Variants in XIRP2 observed in about 807,000 individuals in gnomAD.
XIRP2 encodes xin actin binding repeat containing 2, also known as xin actin-binding repeat-containing protein 2.
XIRP2 carries 236 observed loss-of-function variants against 277.0 expected under a neutral mutation model. That is an observed-to-expected ratio of 0.85 (90% CI 0.77 to 0.95). XIRP2 has a LOEUF of 0.95. Ranked by LOEUF, XIRP2 falls within the 40% of genes least tolerant of loss-of-function variation. The pLI is 0.00. For missense variants in XIRP2, 4,640 were observed against 4,157.5 expected (o/e 1.12, Z -3.19); for synonymous variants, 1,490 against 1,416.5 (o/e 1.05, Z -1.17).
chr2:166,985,020 T>C (rs534175389), intron 2 of XIRP2, among the ~76,000 whole-genome samples: 1 of 152,378 alleles, frequency 6.6e-6, no homozygotes, highest in Non-Finnish European at 1.5e-5. Context: ...AGTATAGCTA[T>C]TTGCTTATGT....
chr2:167,101,266 A>G (rs1305202877), intron 2 of XIRP2, among the ~76,000 whole-genome samples: 1 of 152,230 alleles, frequency 6.6e-6, no homozygotes, highest in African/African-American at 2.4e-5. Context: ...AAAACTATGT[A>G]TAGAATATAA....
rs933031170 is a variant in XIRP2 at position 167,052,918 on chromosome 2, T to A, written c.409-82991T>A. Among the ~76,000 whole-genome samples, 12 of 152,340 alleles carry A rather than the reference T, an allele frequency of 7.9e-5. No individual in the cohort carries two copies. The South Asian group carries it at 2.5e-3, about 32-fold the overall frequency. Reference sequence around the variant, plus strand: ...TTAAATTCAAGCTTATTGAGTTATATGTAGTTGTAGACATCCAAAAATAAA... The same window carrying A: ...TTAAATTCAAGCTTATTGAGTTATAAGTAGTTGTAGACATCCAAAAATAAA... On this transcript the variant is annotated intron_variant, in intron 2 of 10. Transcript: ENST00000409195.
chr2:166,951,243 T>C (rs1306953720), intron 2 of XIRP2, among the ~76,000 whole-genome samples: 1 of 151,920 alleles, frequency 6.6e-6, no homozygotes, highest in Non-Finnish European at 1.5e-5. Context: ...CTTGACTGGG[T>C]AGTTTATAAG....
At chr2:166,890,073 G>A in intron 1 of XIRP2, among the ~76,000 whole-genome samples, 1 of 151,042 alleles carries the variant, frequency 6.6e-6, no homozygotes, top group East Asian at 2.0e-4. Flanking sequence ...TCGGCTCACT[G>A]CAACGTCCAC....
chr2:167,053,709 C>G (rs573455365), intron 2 of XIRP2, among the ~76,000 whole-genome samples: 1 of 152,228 alleles, frequency 6.6e-6, no homozygotes, highest in South Asian at 2.1e-4. Context: ...ATGTTTTAGT[C>G]AAAGTAATTC....
At chr2:167,129,495 T>C (rs1356840958) in intron 2 of XIRP2, among the ~76,000 whole-genome samples, 1 of 152,144 alleles carries the variant, frequency 6.6e-6, no homozygotes, top group Non-Finnish European at 1.5e-5. Flanking sequence ...CATTGGGTTG[T>C]ATTAAAGACT....
chr2:166,912,584 G>T (rs1026108000), intron 2 of XIRP2, among the ~76,000 whole-genome samples: 1 of 152,066 alleles, frequency 6.6e-6, no homozygotes, highest in South Asian at 2.1e-4. Context: ...AAGTTTGATC[G>T]TCTGAAGCCT....
intron 2 of XIRP2, among the ~76,000 whole-genome samples, chr2:167,038,090 T>C (rs936365766): frequency 2.0e-5 from 3 of 152,066 alleles, no homozygotes; most frequent in Non-Finnish European, 2.9e-5. Flanking sequence ...GTAATGTCTT[T>C]ATTGAATAAA....
chr2:167,236,376 G>A (rs1219739394), intron 5 of XIRP2, among the ~76,000 whole-genome samples: 6 of 152,022 alleles, frequency 3.9e-5, no homozygotes, highest in Non-Finnish European at 5.9e-5. Flanking sequence ...GGCAGGATAC[G>A]AACTGCTTCC....
chr2:167,018,912 T>A (rs1687908642), intron 2 of XIRP2, among the ~76,000 whole-genome samples: 1 of 152,072 alleles, frequency 6.6e-6, no homozygotes, highest in South Asian at 2.1e-4. Flanking sequence ...GTCTGTTTCC[T>A]TTCATCTTTG....
chr2:166,912,802 G>C (rs1026076725), intron 2 of XIRP2, among the ~76,000 whole-genome samples: 2 of 152,184 alleles, frequency 1.3e-5, no homozygotes, highest in African/African-American at 4.8e-5. Context: ...TGTCCTTTCT[G>C]TTTGTTAGTT....
intron 3 of XIRP2, among the ~76,000 whole-genome samples, chr2:167,187,882 A>G (rs1693203974): frequency 6.6e-6 from 1 of 152,230 alleles, no homozygotes; most frequent in South Asian, 2.1e-4. Context: ...TGTAATGAAT[A>G]TATTTAAAAC....
chr2:167,173,053 G>A (rs1392420567), intron 3 of XIRP2, among the ~76,000 whole-genome samples: 8 of 152,130 alleles, frequency 5.3e-5, no homozygotes, highest in Admixed American at 1.3e-4. Flanking sequence ...GGCTTCAGCC[G>A]GTCCCTCCAT....
intron 1 of XIRP2, among the ~76,000 whole-genome samples, chr2:166,900,289 T>C (rs1414099086): frequency 6.6e-6 from 1 of 152,100 alleles, no homozygotes; most frequent in Admixed American, 6.6e-5. Context: ...AGTTTTTAAA[T>C]GTTCGTTATT....
At chr2:167,147,225 T>G (rs1279376916) in intron 3 of XIRP2, among the ~76,000 whole-genome samples, 1 of 152,198 alleles carries the variant, frequency 6.6e-6, no homozygotes, top group Non-Finnish European at 1.5e-5. Flanking sequence ...ACAAACCAAC[T>G]GCCTATATAA....
intron 2 of XIRP2, among the ~76,000 whole-genome samples, chr2:167,055,566 G>C: frequency 6.6e-6 from 1 of 152,256 alleles, no homozygotes; most frequent in East Asian, 1.9e-4. Flanking sequence ...GGCCATTCTT[G>C]TCAATGGCCA....
intron 2 of XIRP2, among the ~76,000 whole-genome samples, chr2:167,083,852 T>G (rs9752459): frequency 0.014 from 2,176 of 151,706 alleles, 56 homozygotes; most frequent in African/African-American, 0.049. Flanking sequence ...TGAGACAATG[T>G]GGTTTTCTAG....
intron 2 of XIRP2, among the ~76,000 whole-genome samples, chr2:166,934,194 G>GAAAAAAAAAAAAAA (rs1685427237): frequency 3.2e-5 from 2 of 62,694 alleles, no homozygotes; most frequent in African/African-American, 9.7e-5. Flanking sequence ...AAAATCAACA[G>GAAAAAAAAAAAAAA]CAAAAAAAAA....
chr2:166,940,268 A>T (rs1310756241), intron 2 of XIRP2, among the ~76,000 whole-genome samples: 2 of 152,192 alleles, frequency 1.3e-5, no homozygotes, highest in Non-Finnish European at 2.9e-5. Context: ...TTCATCACGT[A>T]GTTCTCATGC....
Sources: gnomAD v4.1 joint callset for allele counts (sites outside exome capture counted in the v4.1 genomes callset) on GRCh38, gnomAD v4.1.1 for gene constraint, MANE v1.5 for transcripts, NCBI Gene and HGNC (gene_info 2026-07-23, HGNC 2026-07-21) for gene names.